Variants in HMBOX1 observed in about 807,000 individuals in gnomAD.
HMBOX1 encodes homeobox-containing protein 1.
In HMBOX1, 14 loss-of-function variants were observed where a neutral mutation model predicts 54.5. The ratio of observed to expected loss-of-function variants is 0.26; its 90% CI spans 0.17 to 0.40. The LOEUF is 0.40. HMBOX1 is among the 10% of genes least tolerant of loss of function. The pLI, the probability that HMBOX1 is intolerant of heterozygous loss-of-function variation, is 1.00. For synonymous variants in HMBOX1, 160 were observed against 181.0 expected, an observed-to-expected ratio of 0.88 and a Z score of 0.93; for missense variants, 332 against 514.4, an observed-to-expected ratio of 0.65 and a Z score of 3.43.
chr8:29,021,531 A>C (rs1399602347), intron 6 of HMBOX1, among the ~76,000 whole-genome samples: 1 of 152,120 alleles, frequency 6.6e-6, no homozygotes, highest in Non-Finnish European at 1.5e-5. Context: ...AGATAGGAGA[A>C]AAAATGCAAA....
intron 6 of HMBOX1, among the ~76,000 whole-genome samples, chr8:29,028,505 C>T (rs1216763633): frequency 2.0e-5 from 3 of 152,162 alleles, no homozygotes; most frequent in Admixed American, 6.5e-5. Context: ...TTTATTAGTA[C>T]ATAGACTTTG....
intron 4 of HMBOX1, among the ~76,000 whole-genome samples, chr8:28,989,135 G>C (rs1470641082): frequency 1.3e-5 from 2 of 152,100 alleles, no homozygotes; most frequent in Admixed American, 6.5e-5. Flanking sequence ...AGCCGGGCAT[G>C]GTGGTGCTTG....
rs373649205 is a variant in HMBOX1, at chr8:28,892,382, AAC to A, written c.-58+1709_-58+1710del. Among the ~76,000 whole-genome samples, 13 of 152,328 alleles carry A rather than the reference AAC, an allele frequency of 8.5e-5. No homozygotes were observed. The East Asian group carries it at 1.9e-3, about 23-fold the overall frequency. On this transcript the variant is annotated intron_variant, in intron 1 of 9. Coordinates refer to ENST00000287701, the MANE Select transcript of HMBOX1 (RefSeq NM_001135726.3). ...TTTCTCACAGTTTTTAATATTTAAT[AAC>A]ACACTAGGAGAATTTAAGGTCATAT...
At chr8:29,047,291 C>T in intron 7 of HMBOX1, 67 bp from the exon 8 acceptor site, 1 of 894,190 alleles carries the variant, frequency 1.1e-6, no homozygotes, top group East Asian at 2.5e-5. Flanking sequence ...AAATATTAGC[C>T]CTTAAAACTA....
At chr8:28,989,077 A>C (rs1413978879) in intron 4 of HMBOX1, among the ~76,000 whole-genome samples, 1 of 152,110 alleles carries the variant, frequency 6.6e-6, no homozygotes, top group Non-Finnish European at 1.5e-5. Context: ...GTTTGAGACC[A>C]GCCTGACCAA....
At position 28,949,697 on chromosome 8, in the gene HMBOX1, T is replaced by C. The variant is rs1586023723; in HGVS notation, c.-57-14114T>C. 8 of 152,338 alleles carry C rather than the reference T, an allele frequency of 5.3e-5. No individual in the cohort carries two copies. The South Asian group carries it at 1.7e-3, about 32-fold the overall frequency. The allele number at this position is 152,338 out of a possible 1,614,324, so 9.4% of individuals were successfully genotyped here. On this transcript the variant is annotated intron_variant, in intron 1 of 9. Coordinates refer to ENST00000287701, the MANE Select transcript of HMBOX1 (RefSeq NM_001135726.3). ...TTGTTGCCAGCTCATTGGTAGCAGCTGAGGCTGCAGCAATTGATAAGAAAC... is the reference window on the plus strand; with the variant it reads ...TTGTTGCCAGCTCATTGGTAGCAGCCGAGGCTGCAGCAATTGATAAGAAAC...
intron 1 of HMBOX1, among the ~76,000 whole-genome samples, chr8:28,897,647 G>C (rs1483440318): frequency 6.6e-6 from 1 of 152,226 alleles, no homozygotes; most frequent in East Asian, 1.9e-4. Context: ...CTGCACACCA[G>C]ATTGGGCAAC....
At chr8:29,000,568 C>T (rs1218871318) in intron 4 of HMBOX1, among the ~76,000 whole-genome samples, 3 of 152,240 alleles carry the variant, frequency 2.0e-5, no homozygotes, top group East Asian at 1.9e-4. Context: ...TGATTGTTTT[C>T]GACAAATTAC....
intron 1 of HMBOX1, among the ~76,000 whole-genome samples, chr8:28,939,303 GAAAA>G (rs1820940132): frequency 6.7e-6 from 1 of 148,810 alleles, no homozygotes; most frequent in African/African-American, 2.5e-5. Flanking sequence ...AAAAAAAAAA[GAAAA>G]AAGGAAAGAA....
chr8:28,901,927 T>C (rs570061757), intron 1 of HMBOX1, among the ~76,000 whole-genome samples: 2 of 152,328 alleles, frequency 1.3e-5, no homozygotes, highest in African/African-American at 4.8e-5. Flanking sequence ...ACCTTATACT[T>C]AAAACCCAGT....
intron 4 of HMBOX1, among the ~76,000 whole-genome samples, chr8:28,982,843 C>G (rs962069878): frequency 1.3e-5 from 2 of 152,014 alleles, no homozygotes; most frequent in African/African-American, 4.8e-5. Context: ...AGGCTGGTGT[C>G]GAACTCCTGA....
At chr8:28,915,885 G>C (rs1320664811) in intron 1 of HMBOX1, 1 of 151,956 alleles carries the variant, frequency 6.6e-6, no homozygotes, top group Non-Finnish European at 1.5e-5. Context: ...TTAATAACAG[G>C]TTTTATTTAA....
At chr8:28,983,967 C>T (rs925148170) in intron 4 of HMBOX1, among the ~76,000 whole-genome samples, 6 of 152,132 alleles carry the variant, frequency 3.9e-5, no homozygotes, top group African/African-American at 1.4e-4. Flanking sequence ...CCAGACTGCC[C>T]AGCCATCAAG....
chr8:28,930,087 A>T (rs928579076), intron 1 of HMBOX1, among the ~76,000 whole-genome samples: 1 of 151,990 alleles, frequency 6.6e-6, no homozygotes, highest in Non-Finnish European at 1.5e-5. Context: ...GGCATAGAAG[A>T]CTGTCTTTGG....
intron 1 of HMBOX1, among the ~76,000 whole-genome samples, chr8:28,943,407 T>A (rs187425867): frequency 6.6e-6 from 1 of 152,316 alleles, no homozygotes; most frequent in East Asian, 1.9e-4. Context: ...GAAAACTGAC[T>A]AGGCAGATAA....
intron 3 of HMBOX1, among the ~76,000 whole-genome samples, chr8:28,974,623 T>C (rs1828066331): frequency 1.3e-5 from 2 of 152,236 alleles, no homozygotes; most frequent in South Asian, 4.1e-4. Flanking sequence ...GTGCATGTTC[T>C]GTAGATAAGA....
At chr8:29,016,655 T>C (rs1009754718) in intron 5 of HMBOX1, among the ~76,000 whole-genome samples, 2 of 152,214 alleles carry the variant, frequency 1.3e-5, no homozygotes, top group East Asian at 3.8e-4. Context: ...GCTGCAGTCA[T>C]TGGGACTGGA....
chr8:28,978,945 A>G (rs890368958), intron 3 of HMBOX1, among the ~76,000 whole-genome samples: 11 of 152,170 alleles, frequency 7.2e-5, no homozygotes, highest in African/African-American at 2.7e-4. Flanking sequence ...ATGAAATTGC[A>G]GGGGGAGGGA....
intron 4 of HMBOX1, among the ~76,000 whole-genome samples, chr8:29,007,145 T>C (rs1205210426): frequency 6.6e-6 from 1 of 151,860 alleles, no homozygotes; most frequent in Admixed American, 6.6e-5. Context: ...AAAAATTATC[T>C]GGGCATGGTG....
Sources: allele counts gnomAD v4.1 joint callset (sites outside exome capture counted in the v4.1 genomes callset), GRCh38; gene constraint gnomAD v4.1.1; transcripts MANE v1.5; gene names NCBI Gene and HGNC (gene_info 2026-07-23, HGNC 2026-07-21).